C11orf65: variants seen among roughly 807,000 people sequenced by gnomAD.
C11orf65 encodes the protein protein MFI.
C11orf65 carries 38 observed loss-of-function variants against 35.3 expected under a neutral mutation model. That is an observed-to-expected ratio of 1.08 (90% CI 0.83 to 1.41). The LOEUF (loss-of-function observed/expected upper bound fraction) is 1.41. Ranked by LOEUF, C11orf65 falls within the 40% of genes most tolerant of loss-of-function variation. The pLI is 0.00. For missense variants in C11orf65, 370 were observed against 367.1 expected (o/e 1.01, Z -0.06); for synonymous variants, 105 against 114.4 (o/e 0.92, Z 0.53).
chr11:108,393,153 A>C, intron 7 of C11orf65, 55 bp downstream of exon 7: 1 of 1,506,654 alleles, frequency 6.6e-7, no homozygotes, highest in Non-Finnish European at 9.0e-7. Context: ...AGGAAATGTT[A>C]GAAAAAAACT....
intron 7 of C11orf65, among the ~76,000 whole-genome samples, chr11:108,386,401 G>C (rs2092001901): frequency 6.6e-6 from 1 of 152,206 alleles, no homozygotes; most frequent in South Asian, 2.1e-4. Context: ...CACTGTCTCT[G>C]ATACGTGAAG....
In C11orf65 at chr11:108,438,928, C is replaced by T. The variant is rs545453603; in HGVS notation, c.82-7090G>A. Among the ~76,000 whole-genome samples the T allele has an allele frequency of 2.5e-4, 38 of 152,036 alleles. No individual in the cohort carries two copies. In the South Asian group the frequency reaches 5.2e-3, roughly 21 times the overall value. ...GGCTGAGGCAGAAGAATCATTTGAA[C>T]GCAGGAGGCAGAGGTTGCAGTGAAC... On this transcript the variant is annotated intron_variant, in intron 2 of 8. Transcript: ENST00000393084.
intron 8 of C11orf65, among the ~76,000 whole-genome samples, chr11:108,384,199 T>C (rs1470802840): frequency 6.6e-6 from 1 of 152,132 alleles, no homozygotes. Flanking sequence ...TGACTATCTA[T>C]TGAGCAGAGA....
chr11:108,409,398 G>A (rs1177743698), intron 3 of C11orf65, among the ~76,000 whole-genome samples: 2 of 152,106 alleles, frequency 1.3e-5, no homozygotes, highest in South Asian at 2.1e-4. Context: ...GGTATATATG[G>A]TATGTAAGTA....
At chr11:108,426,082 C>T (rs1433140432) in intron 3 of C11orf65, among the ~76,000 whole-genome samples, 4 of 152,200 alleles carry the variant, frequency 2.6e-5, no homozygotes, top group African/African-American at 4.8e-5. Flanking sequence ...CTTTGAAAAC[C>T]GGTATAAGAC....
intron 2 of C11orf65, among the ~76,000 whole-genome samples, chr11:108,345,415 G>T (rs2088206828): frequency 6.6e-6 from 1 of 152,178 alleles, no homozygotes; most frequent in Non-Finnish European, 1.5e-5. Context: ...CCAATGCTGT[G>T]ATGCCACCTG....
At chr11:108,401,949 G>A (rs2092447568) in intron 6 of C11orf65, among the ~76,000 whole-genome samples, 1 of 152,184 alleles carries the variant, frequency 6.6e-6, no homozygotes, top group South Asian at 2.1e-4. Context: ...GGCCATATCA[G>A]TAAGTTCGGC....
intron 2 of C11orf65, among the ~76,000 whole-genome samples, chr11:108,374,373 AAC>A (rs1399089947): frequency 1.5e-5 from 2 of 135,538 alleles, no homozygotes; most frequent in Admixed American, 8.1e-5. Flanking sequence ...TACCCAGGTA[AAC>A]AGGGTCTGGA....
At chr11:108,342,161 A>G (rs757548909) in intron 2 of C11orf65, among the ~76,000 whole-genome samples, 6 of 152,128 alleles carry the variant, frequency 3.9e-5, no homozygotes, top group African/African-American at 7.2e-5. Flanking sequence ...GCCCAAGGCA[A>G]TTCTTCCAGT....
In C11orf65 at chr11:108,427,353, C is replaced by A. The variant is rs1386624576; in HGVS notation, c.174+4393G>T. On this transcript the variant is annotated intron_variant, in intron 3 of 8. Transcript: ENST00000393084. ...AAACAAATTTACAAAAAAAAAAAAA[C>A]CCCACCAAAAAGGGGGTGAAGGATA... 3.5e-4 allele frequency among the ~76,000 whole-genome samples: 52 copies of A among 149,412 alleles called. No homozygotes were observed. In the South Asian group the frequency reaches 6.6e-3, roughly 19 times the overall value.
chr11:108,376,967 CT>C, intron 2 of C11orf65, among the ~76,000 whole-genome samples: 1 of 152,094 alleles, frequency 6.6e-6, no homozygotes, highest in South Asian at 2.1e-4. Flanking sequence ...ATAACAGGAT[CT>C]GAAATTGTGG....
intron 6 of C11orf65, among the ~76,000 whole-genome samples, chr11:108,313,852 G>A (rs2084377158): frequency 6.6e-6 from 1 of 152,060 alleles, no homozygotes. Context: ...AATTTTCTAT[G>A]CAGTATAGTT....
chr11:108,365,854 C>A (rs2091289659), intron 2 of C11orf65: 1 of 256,390 alleles, frequency 3.9e-6, no homozygotes. Flanking sequence ...TATGGTGAAA[C>A]CCTGTCTCTA....
chr11:108,422,712 T>G (rs545539732), intron 3 of C11orf65, among the ~76,000 whole-genome samples: 1 of 151,848 alleles, frequency 6.6e-6, no homozygotes, highest in South Asian at 2.1e-4. Context: ...TGAAACCCCG[T>G]TTCTACTAAA....
At chr11:108,327,959 C>A (rs1049244555), downstream of C11orf65, among the ~76,000 whole-genome samples, 1 of 152,092 alleles carries the variant, frequency 6.6e-6, no homozygotes, top group Non-Finnish European at 1.5e-5. Flanking sequence ...AAAGTAAGCC[C>A]AAGTATAGTA....
intron 2 of C11orf65, chr11:108,367,469 CATATA>C (rs921101799): frequency 1.5e-5 from 3 of 203,214 alleles, no homozygotes; most frequent in Admixed American, 1.2e-4. Context: ...CAGCTGTCAT[CATATA>C]AGATAAACAT....
At position 108,466,846 on chromosome 11, in the gene C11orf65, T is replaced by C. The variant is rs566491982; in HGVS notation, c.-10+625A>G. ...GCAAACAATCTTTACTTTGCTTGAA[T>C]TGGAACCTGTATACGTCCTATTTTG... On this transcript the variant is annotated intron_variant, in intron 1 of 8. Transcript: ENST00000393084. Among the ~76,000 whole-genome samples, 5 of 152,372 alleles carry C rather than the reference T, an allele frequency of 3.3e-5. 1 individual carries two copies. The South Asian group carries it at 1.0e-3, about 32-fold the overall frequency.
chr11:108,463,171 C>T (rs1301055431), intron 1 of C11orf65, among the ~76,000 whole-genome samples: 1 of 152,064 alleles, frequency 6.6e-6, no homozygotes, highest in Non-Finnish European at 1.5e-5. Context: ...ATGTAAAATG[C>T]AAAACGTGTA....
chr11:108,353,885 G>GTGAT lies in C11orf65; in HGVS notation c.227-18597_227-18594dup, dbSNP rs1312735736. 3 of 1,605,124 alleles carry GTGAT rather than the reference G, an allele frequency of 1.9e-6. No individual in the cohort carries two copies. The highest frequency in any genetic ancestry group is 1.7e-4 in the Middle Eastern group (1 of 6,056). On this transcript the variant is annotated intron_variant, in intron 2 of 3. Coordinates refer to the C11orf65 transcript ENST00000524755. ...TGTTGAAGGTGTCTTCAGAAGGTAA[G>GTGAT]TGATATGAAGTAAAGGAGGGAAATA...
Sources: allele counts gnomAD v4.1 joint callset (sites outside exome capture counted in the v4.1 genomes callset), GRCh38; gene constraint gnomAD v4.1.1; transcripts MANE v1.5; gene names NCBI Gene and HGNC (gene_info 2026-07-23, HGNC 2026-07-21).